Variants in HS3ST3A1 observed in about 807,000 individuals in gnomAD.
HS3ST3A1 encodes the protein heparan sulfate glucosamine 3-O-sulfotransferase 3A1.
Under a neutral mutation model 25.7 loss-of-function variants are expected in HS3ST3A1, and 19 were observed. The observed-to-expected ratio is 0.74, with a 90% CI of 0.52 to 1.08. The LOEUF is 1.08. Among genes scored for constraint, HS3ST3A1 ranks in the 50% least tolerant of loss-of-function variants. The pLI, the probability that HS3ST3A1 is intolerant of heterozygous loss-of-function variation, is 0.00. For missense variants in HS3ST3A1, 459 were observed against 594.3 expected (o/e 0.77, Z 2.37); for synonymous variants, 226 against 278.6 (o/e 0.81, Z 1.88).
At chr17:13,594,624 A>G (rs577856264) in intron 1 of HS3ST3A1, among the ~76,000 whole-genome samples, 13 of 152,336 alleles carry the variant, frequency 8.5e-5, no homozygotes, top group African/African-American at 2.9e-4. Flanking sequence ...TCTGGGGCAT[A>G]TGGTATTCCT....
At chr17:13,594,881 A>G (rs62053925) in intron 1 of HS3ST3A1, among the ~76,000 whole-genome samples, 19,194 of 152,180 alleles carry the variant, frequency 0.13, 1,287 homozygotes, top group Non-Finnish European at 0.15. Flanking sequence ...TTGAGACTGC[A>G]AATATGCTCT....
chr17:13,556,274 G>A (rs907660490), intron 1 of HS3ST3A1, among the ~76,000 whole-genome samples: 12 of 152,064 alleles, frequency 7.9e-5, no homozygotes, highest in Non-Finnish European at 1.5e-4. Flanking sequence ...TTGGGAGGCC[G>A]GGGCGGGCAG....
chr17:13,543,063 CTT>C (rs1394494030), intron 1 of HS3ST3A1, among the ~76,000 whole-genome samples: 3 of 152,176 alleles, frequency 2.0e-5, no homozygotes, highest in Non-Finnish European at 4.4e-5. Flanking sequence ...CTATGCATCT[CTT>C]CTATCTGGCT....
At chr17:13,598,923 A>G (rs1033148473) in intron 1 of HS3ST3A1, among the ~76,000 whole-genome samples, 2 of 152,244 alleles carry the variant, frequency 1.3e-5, no homozygotes, top group African/African-American at 4.8e-5. Flanking sequence ...TCAGAGCCCA[A>G]CATAGTGTTA....
chr17:13,499,204 G>C (rs1905379166), intron 1 of HS3ST3A1, among the ~76,000 whole-genome samples: 1 of 152,202 alleles, frequency 6.6e-6, no homozygotes, highest in Non-Finnish European at 1.5e-5. Flanking sequence ...ATGTGATGCA[G>C]ATTCCGCGGT....
chr17:13,548,382 C>A (rs1476445569), intron 1 of HS3ST3A1, among the ~76,000 whole-genome samples: 2 of 152,156 alleles, frequency 1.3e-5, no homozygotes, highest in Non-Finnish European at 2.9e-5. Context: ...CTACTCTCAT[C>A]CTCTCACTTA....
intron 1 of HS3ST3A1, chr17:13,556,048 CT>C (rs1443712204): frequency 1.3e-5 from 2 of 152,162 alleles, no homozygotes; most frequent in African/African-American, 2.4e-5. Context: ...GTACTGAGCC[CT>C]AGTGAAGGGT....
At chr17:13,548,191 T>A (rs1907139767) in intron 1 of HS3ST3A1, among the ~76,000 whole-genome samples, 1 of 152,138 alleles carries the variant, frequency 6.6e-6, no homozygotes, top group African/African-American at 2.4e-5. Context: ...AACAAATATG[T>A]ATTTCTCCCA....
intron 1 of HS3ST3A1, among the ~76,000 whole-genome samples, chr17:13,559,293 A>G (rs1907461878): frequency 6.6e-6 from 1 of 152,160 alleles, no homozygotes; most frequent in African/African-American, 2.4e-5. Context: ...CCCAAGGCAA[A>G]TCTGGAAAAG....
chr17:13,596,066 T>C (rs1908567356), intron 1 of HS3ST3A1, among the ~76,000 whole-genome samples: 1 of 152,204 alleles, frequency 6.6e-6, no homozygotes, highest in Non-Finnish European at 1.5e-5. Context: ...ACAAATATTT[T>C]GGCCAGGGTA....
chr17:13,565,718 A>G (rs1046803356), intron 1 of HS3ST3A1, among the ~76,000 whole-genome samples: 1 of 152,124 alleles, frequency 6.6e-6, no homozygotes, highest in Admixed American at 6.5e-5. Context: ...TTCTCGGCTC[A>G]CCCTTGCTTT....
At position 13,529,696 on chromosome 17, in the gene HS3ST3A1, C is replaced by G. The variant is rs73978638; in HGVS notation, c.600-32878G>C. ...ACAAAATCCTCCTACCTTCACGGCT[C>G]TCAAGAAAGATATGGAAATAACACT... is the stretch of plus-strand genomic sequence containing the variant. On this transcript the variant is annotated intron_variant, in intron 1 of 1. Transcript: ENST00000284110. Among the ~76,000 whole-genome samples the G allele has an allele frequency of 9.0e-3, 1,363 of 152,258 alleles. 18 individuals carry two copies. The highest frequency in any genetic ancestry group is 0.031 in the African/African-American group (1,300 of 41,540).
intron 1 of HS3ST3A1, among the ~76,000 whole-genome samples, chr17:13,529,165 G>GA (rs1227280502): frequency 6.6e-6 from 1 of 152,076 alleles, no homozygotes; most frequent in East Asian, 1.9e-4. Flanking sequence ...TGGTTTCCTT[G>GA]AAAAAATAGC....
chr17:13,572,820 T>G (rs1236341461), intron 1 of HS3ST3A1, among the ~76,000 whole-genome samples: 1 of 152,190 alleles, frequency 6.6e-6, no homozygotes, highest in Non-Finnish European at 1.5e-5. Flanking sequence ...AAACACAAAC[T>G]CAAGGAACTA....
chr17:13,501,480 A>ACAG (rs1348586002), intron 1 of HS3ST3A1, among the ~76,000 whole-genome samples: 4 of 6,348 alleles, frequency 6.3e-4, no homozygotes, highest in Non-Finnish European at 8.9e-4. Context: ...ATTAAACATT[A>ACAG]CAAGGTACTG....
chr17:13,586,905 T>C (rs1377019946), intron 1 of HS3ST3A1, among the ~76,000 whole-genome samples: 4 of 114,018 alleles, frequency 3.5e-5, no homozygotes, highest in Admixed American at 9.0e-5. Context: ...AAAGGCATAC[T>C]AGATTTTGAA....
intron 1 of HS3ST3A1, among the ~76,000 whole-genome samples, chr17:13,591,623 T>A (rs567026547): frequency 6.6e-6 from 1 of 151,628 alleles, no homozygotes; most frequent in Non-Finnish European, 1.5e-5. Context: ...TTTATGACCA[T>A]ATTTTAATGT....
At chr17:13,583,331 CCTCTG>C in intron 1 of HS3ST3A1, among the ~76,000 whole-genome samples, 1 of 152,322 alleles carries the variant, frequency 6.6e-6, no homozygotes, top group East Asian at 1.9e-4. Context: ...TCTATTTTCT[CCTCTG>C]CTGCAGTTGT....
At chr17:13,509,657 A>G (rs1181778327) in intron 1 of HS3ST3A1, among the ~76,000 whole-genome samples, 1 of 152,176 alleles carries the variant, frequency 6.6e-6, no homozygotes, top group Non-Finnish European at 1.5e-5. Context: ...GAAGAAAAAA[A>G]GAGAAGAATC....
Sources: allele counts gnomAD v4.1 joint callset (sites outside exome capture counted in the v4.1 genomes callset), GRCh38; gene constraint gnomAD v4.1.1; transcripts MANE v1.5; gene names NCBI Gene and HGNC (gene_info 2026-07-23, HGNC 2026-07-21).